The following RBM45 variants were observed in gnomAD, a reference collection of about 807,000 sequenced individuals.
RBM45 encodes RNA-binding protein 45.
In RBM45, 39 loss-of-function variants were observed where a neutral mutation model predicts 58.5. The observed-to-expected ratio is 0.67, with a 90% CI of 0.52 to 0.87. RBM45 has a LOEUF of 0.87. Among genes scored for constraint, RBM45 ranks in the 40% least tolerant of loss-of-function variants. The pLI is 0.00. For missense variants in RBM45, 481 were observed against 581.6 expected (o/e 0.83, Z 1.78); for synonymous variants, 193 against 203.0 (o/e 0.95, Z 0.42).
chr2:178,123,633 A>G lies in RBM45; in HGVS notation c.965A>G (p.Asp322Gly). Residue 322 changes from aspartate to glycine, a missense_variant, in exon 6 of 10, where the codon GAT (aspartate) becomes GGT (glycine). By Grantham distance (94) the Asp-to-Gly change is moderately conservative. Coordinates refer to ENST00000286070, the MANE Select transcript of RBM45 (RefSeq NM_152945.4). ...GNRIGVSFID[D>G]GSNATDLLRK... ...CGAATAGGTGTTTCCTTCATTGATG[A>G]TGGAAGTAATGCAACAGAGTAAGTA... is the stretch of plus-strand genomic sequence containing the variant. 1.2e-6 allele frequency: 2 copies of G among 1,606,642 alleles called. No individual in the cohort carries two copies. The highest frequency in any genetic ancestry group is 1.1e-5 in the South Asian group (1 of 89,188).
At chr2:178,128,251 CG>C (rs1388048497) in intron 9 of RBM45, among the ~76,000 whole-genome samples, 1 of 151,958 alleles carries the variant, frequency 6.6e-6, no homozygotes, top group Non-Finnish European at 1.5e-5. Flanking sequence ...CTGCCTTCCT[CG>C]GCCTCCCAAA....
rs903715139 is a variant in RBM45, at chr2:178,116,192, T to G, written c.301-70T>G. 9 of 1,505,236 alleles carry G rather than the reference T, an allele frequency of 6.0e-6. No individual in the cohort carries two copies. In the East Asian group the frequency reaches 2.1e-4, roughly 36 times the overall value. 93.2% of individuals were successfully genotyped at this position (1,505,236 alleles called of 1,614,324 possible). A position where few individuals can be genotyped will look rare whatever the true frequency, so the allele number is the denominator to read the frequency against. ...AAAAGTCATTGCAAGAATAATTGCT[T>G]TTGAAAAAATTTAAGAAATGGGAAA... is the stretch of plus-strand genomic sequence containing the variant. On this transcript the variant is annotated intron_variant, in intron 1 of 9. Coordinates refer to ENST00000286070, the MANE Select transcript of RBM45 (RefSeq NM_152945.4).
intron 2 of RBM45, among the ~76,000 whole-genome samples, chr2:178,117,610 G>A (rs2087793729): frequency 2.0e-5 from 3 of 152,158 alleles, no homozygotes; most frequent in African/African-American, 4.8e-5. Flanking sequence ...CCCCATGTAA[G>A]CACTTCACAT....
chr2:178,130,592 CA>C (rs201085781), downstream of RBM45, among the ~76,000 whole-genome samples: 19 of 150,156 alleles, frequency 1.3e-4, no homozygotes, highest in East Asian at 9.8e-4. Context: ...AAAACTTTAA[CA>C]AAAAAAAATT....
Position 178,127,990 on chromosome 2 carries a change from C to T in RBM45, c.*9-1407C>T, listed in dbSNP as rs113300645. 3.7e-3 allele frequency among the ~76,000 whole-genome samples: 526 copies of T among 140,592 alleles called. 3 individuals carry two copies. Among genetic ancestry groups the T allele is most frequent in the Non-Finnish European group, 6.5e-3 (427 of 65,842 alleles). The allele number at this position is 140,592 out of a possible 152,430, so 92.2% of individuals were successfully genotyped here. A position where few individuals can be genotyped will look rare whatever the true frequency, so the allele number is the denominator to read the frequency against. ...TTAACTGTGACTGGGCTGGTCTCTA[C>T]GCCCTTTTTTTTTTTTTTTTTTTTT... On this transcript the variant is annotated intron_variant, in intron 9 of 9. Transcript: ENST00000286070.
chr2:178,113,417 A>G (rs538010935), intron 1 of RBM45, among the ~76,000 whole-genome samples: 38 of 152,356 alleles, frequency 2.5e-4, no homozygotes, highest in African/African-American at 7.9e-4. Flanking sequence ...TCACTGTTAC[A>G]TATTCTTCAC....
exon 4 of RBM45, chr2:178,136,951 A>G (rs1266037063): frequency 6.6e-6 from 1 of 152,234 alleles, no homozygotes; most frequent in East Asian, 1.9e-4. Context: ...AAAGATTTGA[A>G]CAAGCACTTC....
At chr2:178,117,619 A>G (rs1048654161) in intron 2 of RBM45, among the ~76,000 whole-genome samples, 1 of 152,230 alleles carries the variant, frequency 6.6e-6, no homozygotes, top group Admixed American at 6.5e-5. Flanking sequence ...AGCACTTCAC[A>G]TGTTTTACTT....
intron 5 of RBM45, among the ~76,000 whole-genome samples, chr2:178,121,571 A>C (rs1174757164): frequency 1.3e-5 from 2 of 152,064 alleles, no homozygotes; most frequent in South Asian, 2.1e-4. Context: ...TAATAAACAA[A>C]GCCCTGGAAA....
rs201343083 is a variant in RBM45, at chr2:178,112,714, G to A, written c.168G>A (p.Val56=). 1 of 1,614,256 alleles carries A rather than the reference G, an allele frequency of 6.2e-7. No homozygotes were observed. Among genetic ancestry groups the A allele is most frequent in the Non-Finnish European group, 8.5e-7 (1 of 1,180,052 alleles). Reference sequence around the variant, plus strand: ...TTGGCGACATCCAGGACATCTGGGTGGTGCGGGACAAGCACACCAAGGAGT... The same window carrying A: ...TTGGCGACATCCAGGACATCTGGGTAGTGCGGGACAAGCACACCAAGGAGT... The part of the protein sequence containing the change: ...SPFGDIQDIW[V]VRDKHTKESK... Residue 56 remains valine (V), a synonymous_variant, in exon 1 of 10, where the codon GTG becomes GTA. Transcript: ENST00000286070.
At chr2:178,134,448 T>C (rs1394850299), downstream of RBM45, among the ~76,000 whole-genome samples, 1 of 152,208 alleles carries the variant, frequency 6.6e-6, no homozygotes, top group Non-Finnish European at 1.5e-5. Flanking sequence ...ATTTTGTAAG[T>C]AATGATGTTA....
intron 1 of RBM45, among the ~76,000 whole-genome samples, chr2:178,115,868 G>T (rs2087766692): frequency 6.6e-6 from 1 of 152,138 alleles, no homozygotes; most frequent in African/African-American, 2.4e-5. Context: ...AAAAGTCATT[G>T]CAGGCCCAGC....
At chr2:178,116,767 C>T (rs758915927) in intron 2 of RBM45, among the ~76,000 whole-genome samples, 27 of 151,834 alleles carry the variant, frequency 1.8e-4, no homozygotes, top group East Asian at 7.7e-4. Flanking sequence ...TTTCAAAGCA[C>T]GCTTTTATCA....
At chr2:178,124,388 A>G in intron 8 of RBM45, 98 bp downstream of exon 8, 5 of 670,506 alleles carry the variant, frequency 7.5e-6, no homozygotes, top group Non-Finnish European at 1.2e-5. Flanking sequence ...TATCAAGTAG[A>G]GAGTATTAGT....
intron 2 of RBM45, 141 bp downstream of exon 2, chr2:178,116,525 C>T: frequency 1.6e-6 from 1 of 613,602 alleles, no homozygotes. Flanking sequence ...CAATTTCAAT[C>T]TACTCTTTAA....
At chr2:178,134,231 G>T (rs1439296048), downstream of RBM45, among the ~76,000 whole-genome samples, 2 of 152,182 alleles carry the variant, frequency 1.3e-5, no homozygotes, top group Non-Finnish European at 2.9e-5. Context: ...TGCAGAAGTG[G>T]CAGAAGGAAG....
intron 3 of RBM45, among the ~76,000 whole-genome samples, chr2:178,119,992 A>C (rs1050928974): frequency 2.4e-4 from 37 of 152,288 alleles, no homozygotes; most frequent in African/African-American, 7.9e-4. Flanking sequence ...AATGTTGAGG[A>C]GCTTAGGTGA....
chr2:178,131,580 C>G (rs1214065011), downstream of RBM45, among the ~76,000 whole-genome samples: 3 of 152,220 alleles, frequency 2.0e-5, no homozygotes, highest in African/African-American at 7.2e-5. Flanking sequence ...TCCCAGCAAA[C>G]AGTTGTGGTA....
Position 178,124,132 on chromosome 2 carries a change from T to C in RBM45, c.1074T>C (p.Phe358=). The C allele has an allele frequency of 6.3e-7, 1 of 1,583,216 alleles. No homozygotes were observed. The highest frequency in any genetic ancestry group is 2.2e-5 in the East Asian group (1 of 44,718). ...NNPSQQQFMQ[F]GGSSGSQLPQ... ...TGTTTTCTACCTGTTAACAGCAATT[T>C]GGAGGAAGCTCTGGATCACAGTTGC... is the stretch of plus-strand genomic sequence containing the variant. Residue 358 remains phenylalanine (F), a synonymous_variant, in exon 8 of 10, where the codon TTT becomes TTC. Transcript: ENST00000286070.
Sources: allele counts gnomAD v4.1 joint callset (sites outside exome capture counted in the v4.1 genomes callset), GRCh38; gene constraint gnomAD v4.1.1; transcripts MANE v1.5; gene names NCBI Gene and HGNC (gene_info 2026-07-23, HGNC 2026-07-21).